PIK3CB: variants seen among roughly 807,000 people sequenced by gnomAD.
PIK3CB encodes the protein phosphatidylinositol 4,5-bisphosphate 3-kinase catalytic subunit beta isoform.
In PIK3CB, 39 loss-of-function variants were observed where a neutral mutation model predicts 136.8. The ratio of observed to expected loss-of-function variants is 0.29; its 90% CI spans 0.22 to 0.37. The LOEUF (loss-of-function observed/expected upper bound fraction) is 0.37. Ranked by LOEUF, PIK3CB falls within the 10% of genes least tolerant of loss-of-function variation. The pLI, the probability that PIK3CB is intolerant of heterozygous loss-of-function variation, is 1.00. For missense variants in PIK3CB, 868 were observed against 1,275.4 expected (o/e 0.68, Z 4.87); for synonymous variants, 428 against 436.6 (o/e 0.98, Z 0.25).
chr3:138,688,500 C>CAA (rs397991199), intron 16 of PIK3CB, among the ~76,000 whole-genome samples: 2,647 of 83,610 alleles, frequency 0.032, 78 homozygotes, highest in African/African-American at 0.051. Context: ...GACTCTGTCA[C>CAA]AAAAAAAAAA....
chr3:138,781,907 G>C (rs1279135103), intron 2 of PIK3CB, among the ~76,000 whole-genome samples: 3 of 152,168 alleles, frequency 2.0e-5, no homozygotes, highest in Non-Finnish European at 4.4e-5. Flanking sequence ...GGGTGAAAGA[G>C]CGAGACACTG....
chr3:138,792,345 T>C (rs1452628439), intron 2 of PIK3CB, among the ~76,000 whole-genome samples: 1 of 97,652 alleles, frequency 1.0e-5, no homozygotes, highest in East Asian at 6.1e-3. Flanking sequence ...TTAGGTATTA[T>C]AATTTTTTTC....
At chr3:138,716,288 G>A (rs1389516213) in intron 8 of PIK3CB, among the ~76,000 whole-genome samples, 1 of 152,118 alleles carries the variant, frequency 6.6e-6, no homozygotes, top group African/African-American at 2.4e-5. Context: ...AGCTCCCCAA[G>A]TACTGAGATG....
At chr3:138,736,163 TA>T (rs2045099278) in intron 6 of PIK3CB, among the ~76,000 whole-genome samples, 1 of 152,190 alleles carries the variant, frequency 6.6e-6, no homozygotes, top group South Asian at 2.1e-4. Flanking sequence ...GAAAAGTCAG[TA>T]CTTCTATGTT....
chr3:138,767,030 C>T (rs937544003), intron 2 of PIK3CB, among the ~76,000 whole-genome samples: 10 of 151,492 alleles, frequency 6.6e-5, no homozygotes, highest in South Asian at 2.1e-4. Flanking sequence ...AAAAAGTATC[C>T]GGGCATGGTG....
At chr3:138,736,794 C>T (rs2045115476) in intron 6 of PIK3CB, among the ~76,000 whole-genome samples, 1 of 152,084 alleles carries the variant, frequency 6.6e-6, no homozygotes, top group South Asian at 2.1e-4. Context: ...TGAGAATGGT[C>T]AAACCTAATG....
chr3:138,657,826 T>C lies in PIK3CB; in HGVS notation c.2806A>G (p.Ile936Val), dbSNP rs1340885639. The C allele has an allele frequency of 2.5e-6, 4 of 1,607,108 alleles. No individual in the cohort carries two copies. Among genetic ancestry groups the C allele is most frequent in the East Asian group, 4.5e-5 (2 of 44,782 alleles). The change falls in exon 22 of 24, where the codon ATT (isoleucine) becomes GTT (valine). Residue 936 changes from isoleucine (I) to valine (V), a missense_variant. Physicochemically the swap from Ile to Val is conservative, Grantham distance 29 (BLOSUM62 3). Around this residue, in one of 4 missense-constraint regions of PIK3CB, gnomAD observed 3 missense variants for 31.1 expected, o/e 0.10. Transcript: ENST00000674063. The part of the protein sequence containing the change: ...MVKKTGQLFH[I>V]DFGHILGNFK... ...TTTCCAAGAATATGTCCAAAGTCAA[T>C]GTGGAAGAGCTGGAAAACAAATGGG...
chr3:138,718,177 C>T (rs977675845), intron 8 of PIK3CB, among the ~76,000 whole-genome samples: 1 of 152,176 alleles, frequency 6.6e-6, no homozygotes, highest in Non-Finnish European at 1.5e-5. Flanking sequence ...TCTCCACAAC[C>T]TCACCAGCAT....
intron 14 of PIK3CB, among the ~76,000 whole-genome samples, chr3:138,691,953 T>C (rs1207747655): frequency 1.3e-5 from 2 of 152,206 alleles, no homozygotes; most frequent in East Asian, 1.9e-4. Flanking sequence ...TTGTCCCAGA[T>C]AACCAATGTA....
intron 2 of PIK3CB, among the ~76,000 whole-genome samples, chr3:138,787,044 T>G (rs966723187): frequency 6.6e-6 from 1 of 152,136 alleles, no homozygotes; most frequent in Non-Finnish European, 1.5e-5. Context: ...CTCAACAATA[T>G]CATCTTTATG....
intron 12 of PIK3CB, among the ~76,000 whole-genome samples, chr3:138,700,950 T>C (rs1577092067): frequency 6.6e-6 from 1 of 152,254 alleles, no homozygotes; most frequent in Non-Finnish European, 1.5e-5. Flanking sequence ...ACAAAACCTT[T>C]ATTTATTAAC....
At position 138,762,934 on chromosome 3, in the gene PIK3CB, T is replaced by C. The variant is rs137911898; in HGVS notation, c.-16-3575A>G. Among the ~76,000 whole-genome samples, 605 of 152,122 alleles carry C rather than the reference T, an allele frequency of 4.0e-3. 5 individuals are homozygous for C. Among genetic ancestry groups the C allele is most frequent in the African/African-American group, 0.013 (558 of 41,514 alleles). On this transcript the variant is annotated intron_variant, in intron 2 of 23. Coordinates refer to ENST00000674063, the MANE Select transcript of PIK3CB (RefSeq NM_006219.3). Reference sequence around the variant, plus strand: ...AAGATTACACCACTGCACTCCAGCCTGGGCAACAGAGTGAGAGTCTGCCTC... The same window carrying C: ...AAGATTACACCACTGCACTCCAGCCCGGGCAACAGAGTGAGAGTCTGCCTC...
chr3:138,689,106 TC>T (rs2043955323), intron 15 of PIK3CB, 132 bp from the exon 16 acceptor site: 2 of 607,760 alleles, frequency 3.3e-6, no homozygotes, highest in Non-Finnish European at 6.0e-6. Flanking sequence ...ATTATTTCCT[TC>T]CTCCCTTCCT....
At chr3:138,720,387 T>A (rs1049701888) in intron 8 of PIK3CB, among the ~76,000 whole-genome samples, 5 of 152,124 alleles carry the variant, frequency 3.3e-5, no homozygotes, top group Non-Finnish European at 7.4e-5. Context: ...AACCAACACC[T>A]CTTTCTCCCC....
At chr3:138,777,133 G>A (rs2045868274) in intron 2 of PIK3CB, among the ~76,000 whole-genome samples, 1 of 152,150 alleles carries the variant, frequency 6.6e-6, no homozygotes, top group Non-Finnish European at 1.5e-5. Context: ...TGAGCAGGAA[G>A]GTCACTGGCA....
chr3:138,732,891 G>A (rs1267426346), intron 8 of PIK3CB, among the ~76,000 whole-genome samples: 1 of 151,416 alleles, frequency 6.6e-6, no homozygotes, highest in Non-Finnish European at 1.5e-5. Flanking sequence ...TTTTTTTTGA[G>A]TAAGGAGTGG....
intron 1 of PIK3CB, among the ~76,000 whole-genome samples, chr3:138,834,417 G>A (rs1050744345): frequency 3.9e-5 from 6 of 152,246 alleles, no homozygotes; most frequent in Non-Finnish European, 8.8e-5. Context: ...ACAGTGACCC[G>A]GGACGCCCGG....
Position 138,755,989 on chromosome 3 carries a change from A to C in PIK3CB, c.172-10T>G. On this transcript the variant is annotated splice_polypyrimidine_tract_variant and intron_variant, in intron 3 of 23. Coordinates refer to ENST00000674063, the MANE Select transcript of PIK3CB (RefSeq NM_006219.3). ...CTTGCTTCCATAACATCTATGAGAA[A>C]AAATAAGACATTTTCTGGAATGGAA... is the stretch of plus-strand genomic sequence containing the variant. 1 of 1,467,448 alleles carries C rather than the reference A, an allele frequency of 6.8e-7. No homozygotes were observed. Among genetic ancestry groups the C allele is most frequent in the Admixed American group, 1.7e-5 (1 of 59,040 alleles). The allele number at this position is 1,467,448 out of a possible 1,614,324, so 90.9% of individuals were successfully genotyped here. A position where few individuals can be genotyped will look rare whatever the true frequency, so the allele number is the denominator to read the frequency against.
intron 9 of PIK3CB, 28 bp downstream of exon 9, chr3:138,714,440 C>A: frequency 1.3e-6 from 2 of 1,495,472 alleles, no homozygotes; most frequent in Non-Finnish European, 9.1e-7. Flanking sequence ...TTATATAAAA[C>A]AATCCTCAGA....
Sources: allele counts gnomAD v4.1 joint callset (sites outside exome capture counted in the v4.1 genomes callset), GRCh38; gene constraint gnomAD v4.1.1; regional missense constraint gnomAD v4.1.1; transcripts MANE v1.5; gene names NCBI Gene and HGNC (gene_info 2026-07-23, HGNC 2026-07-21).